The following ZNF521 variants were observed in gnomAD, a reference collection of about 807,000 sequenced individuals.
ZNF521 encodes the protein zinc finger protein 521.
Under a neutral mutation model 105.5 loss-of-function variants are expected in ZNF521, and 14 were observed. The ratio of observed to expected loss-of-function variants is 0.13; its 90% CI spans 0.09 to 0.21. The LOEUF is 0.21. ZNF521 is among the 10% of genes least tolerant of loss of function. The pLI is 1.00. For missense variants in ZNF521, 1,233 were observed against 1,629.7 expected (o/e 0.76, Z 4.19); for synonymous variants, 635 against 606.0 (o/e 1.05, Z -0.70).
chr18:25,112,847 A>C (rs1307883738), intron 5 of ZNF521, among the ~76,000 whole-genome samples: 4 of 152,032 alleles, frequency 2.6e-5, no homozygotes, highest in Non-Finnish European at 5.9e-5. Context: ...CTTTTCTCTG[A>C]GGGCCCTGAA....
At chr18:25,307,626 A>C (rs867248115) in intron 3 of ZNF521, among the ~76,000 whole-genome samples, 1 of 152,048 alleles carries the variant, frequency 6.6e-6, no homozygotes, top group Admixed American at 6.5e-5. Context: ...CCTGGTATTC[A>C]CGCCTTTGTA....
At chr18:25,205,419 G>A (rs937977660) in intron 4 of ZNF521, among the ~76,000 whole-genome samples, 2 of 152,124 alleles carry the variant, frequency 1.3e-5, no homozygotes, top group Non-Finnish European at 2.9e-5. Flanking sequence ...GAAAAGAGAA[G>A]TCAAAATTTG....
intron 5 of ZNF521, among the ~76,000 whole-genome samples, chr18:25,116,658 G>T (rs148988238): frequency 0.014 from 2,159 of 151,828 alleles, 14 homozygotes; most frequent in Non-Finnish European, 0.023. Context: ...AATAAAAGCA[G>T]GCAGAGTCTG....
chr18:25,316,236 T>A (rs985171345), intron 3 of ZNF521, among the ~76,000 whole-genome samples: 2 of 147,790 alleles, frequency 1.4e-5, no homozygotes, highest in Admixed American at 6.8e-5. Flanking sequence ...ACAGGGAAAT[T>A]AAGAATCTTG....
chr18:25,133,172 C>T (rs987437179), intron 5 of ZNF521, among the ~76,000 whole-genome samples: 3 of 152,152 alleles, frequency 2.0e-5, no homozygotes, highest in Admixed American at 2.0e-4. Flanking sequence ...ATAAATAATA[C>T]CATCTACCAG....
At chr18:25,207,915 C>G (rs2036111370) in intron 4 of ZNF521, among the ~76,000 whole-genome samples, 1 of 152,116 alleles carries the variant, frequency 6.6e-6, no homozygotes, top group African/African-American at 2.4e-5. Context: ...AAATAGGGGG[C>G]CCTTTCCCAA....
intron 5 of ZNF521, among the ~76,000 whole-genome samples, chr18:25,148,341 T>G (rs2034984420): frequency 1.3e-5 from 2 of 152,202 alleles, no homozygotes; most frequent in Non-Finnish European, 2.9e-5. Context: ...AGGATGGATA[T>G]TCTTGTGGTC....
intron 3 of ZNF521, among the ~76,000 whole-genome samples, chr18:25,316,702 C>T (rs8088626): frequency 0.49 from 74,926 of 151,762 alleles, 19,446 homozygotes; most frequent in African/African-American, 0.67. Flanking sequence ...CCCTTTTTTT[C>T]GCTTCCTCCT....
intron 4 of ZNF521, among the ~76,000 whole-genome samples, chr18:25,204,541 A>G (rs1180765660): frequency 6.6e-6 from 1 of 152,200 alleles, no homozygotes; most frequent in East Asian, 1.9e-4. Flanking sequence ...ATAAAGAGTC[A>G]TTTTATTTCT....
At chr18:25,204,121 C>T (rs373077242) in intron 4 of ZNF521, among the ~76,000 whole-genome samples, 3 of 152,190 alleles carry the variant, frequency 2.0e-5, no homozygotes, top group East Asian at 1.9e-4. Context: ...GGTAGCACTG[C>T]AGAACTGTGA....
chr18:25,111,763 C>G (rs1413951916), intron 5 of ZNF521, among the ~76,000 whole-genome samples: 1 of 152,194 alleles, frequency 6.6e-6, no homozygotes, highest in Non-Finnish European at 1.5e-5. Flanking sequence ...CACTGAATTC[C>G]CTGCCTCTAA....
rs377524725 is a variant in ZNF521 at position 25,079,019 on chromosome 18, G to A, written c.3906+10446C>T. 8.9e-4 allele frequency among the ~76,000 whole-genome samples: 135 copies of A among 152,302 alleles called. 1 individual carries two copies. Among genetic ancestry groups the A allele is most frequent in the African/African-American group, 3.1e-3 (128 of 41,562 alleles). ...TTCACTTTAGACTGTGGCTTGCATC[G>A]CACAAATCACCACTGCTCTTTTAAG... On this transcript the variant is annotated intron_variant, in intron 7 of 7. Coordinates refer to ENST00000361524, the MANE Select transcript of ZNF521 (RefSeq NM_015461.3).
intron 5 of ZNF521, among the ~76,000 whole-genome samples, chr18:25,177,684 T>C (rs1208340444): frequency 1.3e-5 from 2 of 152,188 alleles, no homozygotes; most frequent in African/African-American, 4.8e-5. Flanking sequence ...ACCAGACTTT[T>C]TAGCTAGGCA....
chr18:25,273,216 T>C (rs1909786483), intron 3 of ZNF521, among the ~76,000 whole-genome samples: 1 of 38,458 alleles, frequency 2.6e-5, no homozygotes, highest in African/African-American at 1.1e-4. Context: ...TGAAACCCTG[T>C]CTCCAAAAAA....
chr18:25,121,921 A>T (rs147294975), intron 5 of ZNF521, among the ~76,000 whole-genome samples: 1 of 152,206 alleles, frequency 6.6e-6, no homozygotes, highest in African/African-American at 2.4e-5. Flanking sequence ...CTGGCATCCA[A>T]TGAAAAATCA....
At position 25,196,600 on chromosome 18, in the gene ZNF521, G is replaced by A. The variant is rs555489982; in HGVS notation, c.3574-1356C>T. On this transcript the variant is annotated intron_variant, in intron 4 of 7. Transcript: ENST00000361524. The stretch of plus-strand genomic sequence containing the variant: ...TTGGAAGCTGTCTAAATCATCTGAC[G>A]GTCTTTGTACATTAGGCATATTGCG... Among the ~76,000 whole-genome samples the A allele has an allele frequency of 3.3e-5, 5 of 151,568 alleles. No homozygotes were observed. The South Asian group carries it at 6.2e-4, about 19-fold the overall frequency.
At chr18:25,193,685 C>A (rs574086046) in intron 5 of ZNF521, among the ~76,000 whole-genome samples, 1 of 152,046 alleles carries the variant, frequency 6.6e-6, no homozygotes, top group African/African-American at 2.4e-5. Context: ...AAGGGAATTG[C>A]AAGGAAACAT....
chr18:25,124,111 A>T (rs997293437), intron 5 of ZNF521, among the ~76,000 whole-genome samples: 1 of 152,260 alleles, frequency 6.6e-6, no homozygotes, highest in East Asian at 1.9e-4. Flanking sequence ...AAGCCGACAG[A>T]ATGCTCTTTT....
chr18:25,249,469 C>T (rs994819540), intron 3 of ZNF521, among the ~76,000 whole-genome samples: 3 of 141,606 alleles, frequency 2.1e-5, no homozygotes, highest in Admixed American at 1.4e-4. Context: ...TACTTTCTTT[C>T]TTTTTTTTTT....
Sources: gnomAD v4.1 joint callset for allele counts (sites outside exome capture counted in the v4.1 genomes callset) on GRCh38, gnomAD v4.1.1 for gene constraint, MANE v1.5 for transcripts, NCBI Gene and HGNC (gene_info 2026-07-23, HGNC 2026-07-21) for gene names.